Variants in KCNQ3 observed in about 807,000 individuals in gnomAD.
KCNQ3 encodes potassium voltage-gated channel subfamily Q member 3, also known as potassium voltage-gated channel subfamily KQT member 3.
KCNQ3 carries 30 observed loss-of-function variants against 92.5 expected under a neutral mutation model. The observed-to-expected ratio is 0.32, with a 90% CI of 0.24 to 0.44. The LOEUF (loss-of-function observed/expected upper bound fraction) is 0.44. Ranked by LOEUF, KCNQ3 falls within the 20% of genes least tolerant of loss-of-function variation. The probability of loss-of-function intolerance (pLI) is 1.00; values close to 1 mark genes in which losing one functional copy is unlikely to be tolerated. For synonymous variants in KCNQ3, 450 were observed against 468.8 expected (o/e 0.96, Z 0.52); for missense variants, 913 against 1,140.3 (o/e 0.80, Z 2.87).
At chr8:132,209,388 T>G (rs975202323) in intron 1 of KCNQ3, among the ~76,000 whole-genome samples, 2 of 152,168 alleles carry the variant, frequency 1.3e-5, no homozygotes, top group Non-Finnish European at 2.9e-5. Context: ...AATGGTGTCT[T>G]GCCCTCCTTA....
intron 8 of KCNQ3, among the ~76,000 whole-genome samples, chr8:132,164,386 C>A (rs1826081573): frequency 6.7e-6 from 1 of 149,484 alleles, no homozygotes; most frequent in East Asian, 1.9e-4. Flanking sequence ...TGGAGCCCAG[C>A]ACGTGAGAGT....
intron 4 of KCNQ3, 68 bp from the exon 5 acceptor site, chr8:132,175,676 A>G: frequency 6.7e-7 from 1 of 1,492,346 alleles, no homozygotes; most frequent in South Asian, 1.2e-5. Context: ...CTGGAGCCAG[A>G]CACACCAGAG....
At chr8:132,159,087 T>A (rs936942370) in intron 9 of KCNQ3, among the ~76,000 whole-genome samples, 1 of 152,214 alleles carries the variant, frequency 6.6e-6, no homozygotes, top group African/African-American at 2.4e-5. Context: ...ATCAAAAAGA[T>A]GTCCATAATT....
At chr8:132,304,804 A>G (rs562527871) in intron 1 of KCNQ3, among the ~76,000 whole-genome samples, 2 of 152,226 alleles carry the variant, frequency 1.3e-5, no homozygotes, top group South Asian at 4.1e-4. Flanking sequence ...GCATAATTAT[A>G]CCTATTATTA....
rs1462013882 is a variant in KCNQ3 at position 132,125,787 on chromosome 8, G to A, written c.*3475C>T. 6.6e-6 allele frequency: 1 copy of A among 152,088 alleles called. No homozygotes were observed. Among genetic ancestry groups the A allele is most frequent in the Admixed American group, 6.6e-5 (1 of 15,264 alleles). 9.4% of individuals were successfully genotyped at this position (152,088 alleles called of 1,614,324 possible). A position where few individuals can be genotyped will look rare whatever the true frequency, so the allele number is the denominator to read the frequency against. ...TCTAGTTATGTTTTCATGAAAACTA[G>A]GGCTTTGTAATATCAATGTCATGTC... On this transcript the variant is annotated 3_prime_UTR_variant, in exon 15 of 15. Transcript: ENST00000388996.
intron 1 of KCNQ3, among the ~76,000 whole-genome samples, chr8:132,207,271 A>G (rs1465911637): frequency 6.6e-6 from 1 of 152,190 alleles, no homozygotes; most frequent in Non-Finnish European, 1.5e-5. Context: ...CTCTAGGGTA[A>G]GGTATGAGGA....
At position 132,402,343 on chromosome 8, in the gene KCNQ3, G is replaced by C. The variant is rs188673401; in HGVS notation, c.386+77804C>G. ...GTGGCAAAGAACTTGCTCGGCTTCT[G>C]GTGAGCAATTAGTCTAATTCATTCT... On this transcript the variant is annotated intron_variant, in intron 1 of 14. Transcript: ENST00000388996. Among the ~76,000 whole-genome samples, 9 of 152,232 alleles carry C rather than the reference G, an allele frequency of 5.9e-5. No homozygotes were observed. The East Asian group carries it at 1.7e-3, about 29-fold the overall frequency.
intron 1 of KCNQ3, among the ~76,000 whole-genome samples, chr8:132,292,789 C>A (rs1364260146): frequency 1.3e-5 from 2 of 152,172 alleles, no homozygotes; most frequent in East Asian, 1.9e-4. Flanking sequence ...TCTCTCTGAC[C>A]TTCTTCATGT....
chr8:132,186,861 CT>C (rs1330198979), intron 1 of KCNQ3, among the ~76,000 whole-genome samples: 1 of 146,576 alleles, frequency 6.8e-6, no homozygotes, highest in Non-Finnish European at 1.5e-5. Context: ...CAGGAGTGAA[CT>C]ACAAACAATT....
chr8:132,244,168 A>C (rs1329578034), intron 1 of KCNQ3, among the ~76,000 whole-genome samples: 1 of 152,230 alleles, frequency 6.6e-6, no homozygotes, highest in South Asian at 2.1e-4. Flanking sequence ...TTTATCCTCC[A>C]TATTTATTCA....
chr8:132,261,133 G>C (rs182178804), intron 1 of KCNQ3, among the ~76,000 whole-genome samples: 5 of 152,248 alleles, frequency 3.3e-5, no homozygotes, highest in African/African-American at 1.2e-4. Context: ...AAAAGAAACT[G>C]GGACTAAGAA....
chr8:132,388,972 A>G (rs1586978268), intron 1 of KCNQ3, among the ~76,000 whole-genome samples: 1 of 152,232 alleles, frequency 6.6e-6, no homozygotes, highest in East Asian at 1.9e-4. Context: ...TTCTGGAAAA[A>G]TTTGGTATCA....
At chr8:132,185,634 G>A (rs1563794067) in intron 2 of KCNQ3, among the ~76,000 whole-genome samples, 2 of 152,212 alleles carry the variant, frequency 1.3e-5, no homozygotes, top group Non-Finnish European at 2.9e-5. Flanking sequence ...AACAAATGCA[G>A]GCCCCAGGAG....
At chr8:132,263,955 T>C (rs144137630) in intron 1 of KCNQ3, among the ~76,000 whole-genome samples, 14 of 152,320 alleles carry the variant, frequency 9.2e-5, no homozygotes, top group Admixed American at 2.0e-4. Context: ...TCTCCTTATG[T>C]AACCTGAGAG....
At position 132,474,969 on chromosome 8, in the gene KCNQ3, A is replaced by T. The variant is rs529163251; in HGVS notation, c.386+5178T>A. 3.2e-3 allele frequency among the ~76,000 whole-genome samples: 487 copies of T among 152,284 alleles called. 3 individuals are homozygous for T. Among genetic ancestry groups the T allele is most frequent in the Non-Finnish European group, 5.9e-3 (399 of 68,020 alleles). ...TGGCCTGGTGGTAGGTGACTGAATC[A>T]TGGGGGTGGATTTCCCCCTTGCTCT... On this transcript the variant is annotated intron_variant, in intron 1 of 14. Coordinates refer to ENST00000388996, the MANE Select transcript of KCNQ3 (RefSeq NM_004519.4).
chr8:132,299,670 C>T (rs1817153979), intron 1 of KCNQ3, among the ~76,000 whole-genome samples: 1 of 152,174 alleles, frequency 6.6e-6, no homozygotes, highest in Admixed American at 6.5e-5. Flanking sequence ...AGGCATCTTG[C>T]CCCAAATTAA....
At chr8:132,462,442 CCTCCAAAAGTGCTGAAA>C (rs1381204338) in intron 1 of KCNQ3, among the ~76,000 whole-genome samples, 1 of 152,178 alleles carries the variant, frequency 6.6e-6, no homozygotes, top group Admixed American at 6.5e-5. Flanking sequence ...CCCACCTCGG[CCTCCAAAAGTGCTGAAA>C]TTACAGGCGT....
intron 1 of KCNQ3, among the ~76,000 whole-genome samples, chr8:132,227,530 C>A (rs569031460): frequency 6.6e-6 from 1 of 152,238 alleles, no homozygotes; most frequent in Admixed American, 6.5e-5. Context: ...GACTTCCAGC[C>A]CCCAGAATTG....
intron 1 of KCNQ3, among the ~76,000 whole-genome samples, chr8:132,316,668 C>CCA (rs1220916129): frequency 6.6e-6 from 1 of 152,038 alleles, no homozygotes; most frequent in Non-Finnish European, 1.5e-5. Context: ...GGCAAGACAT[C>CCA]CACCCTCTCT....
Sources: gnomAD v4.1 joint callset for allele counts (sites outside exome capture counted in the v4.1 genomes callset) on GRCh38, gnomAD v4.1.1 for gene constraint, MANE v1.5 for transcripts, NCBI Gene and HGNC (gene_info 2026-07-23, HGNC 2026-07-21) for gene names.